Variants in CENPP observed in about 807,000 individuals in gnomAD.
The protein encoded by CENPP is centromere protein P.
CENPP carries 24 observed loss-of-function variants against 35.6 expected under a neutral mutation model. The ratio of observed to expected loss-of-function variants is 0.67; its 90% confidence interval spans 0.49 to 0.95. CENPP has a LOEUF of 0.95. CENPP is among the 40% of genes least tolerant of loss of function. CENPP has a pLI of 0.00. For missense variants in CENPP, 332 were observed against 345.3 expected, an observed-to-expected ratio of 0.96 and a Z score of 0.31; for synonymous variants, 120 against 125.5, an observed-to-expected ratio of 0.96 and a Z score of 0.29.
At chr9:92,326,807 T>C (rs962660028) in intron 1 of CENPP, among the ~76,000 whole-genome samples, 7 of 152,186 alleles carry the variant, frequency 4.6e-5, no homozygotes, top group Non-Finnish European at 7.4e-5. Flanking sequence ...ATCTCAAACA[T>C]AGAAGCCTCT....
chr9:92,354,173 A>G (rs757497532), intron 4 of CENPP, among the ~76,000 whole-genome samples: 5 of 152,232 alleles, frequency 3.3e-5, no homozygotes, highest in Non-Finnish European at 5.9e-5. Flanking sequence ...TGGCAGAAGC[A>G]TTGCATGCAG....
chr9:92,605,090 C>T (rs1027485251), intron 5 of CENPP, among the ~76,000 whole-genome samples: 11 of 152,148 alleles, frequency 7.2e-5, no homozygotes, highest in East Asian at 1.9e-4. Context: ...AAGCAATTCT[C>T]GTGCCTCAGC....
Position 92,617,584 on chromosome 9 carries a change from GC to G in CENPP, c.*4437del, listed in dbSNP as rs1851481509. On this transcript the variant is annotated 3_prime_UTR_variant, in exon 8 of 8. Transcript: ENST00000375587. ...TGTGCCACAAGTGTGCCCTCTAGCA[GC>G]CTTGGAGAATGAGGCTCAGGTGGCC... The G allele has an allele frequency of 6.5e-6, 1 of 153,982 alleles. No individual in the cohort carries two copies. The highest frequency in any genetic ancestry group is 2.4e-5 in the African/African-American group (1 of 41,478). 9.5% of individuals were successfully genotyped at this position (153,982 alleles called of 1,614,324 possible). A position where few individuals can be genotyped will look rare whatever the true frequency, so the allele number is the denominator to read the frequency against.
intron 5 of CENPP, among the ~76,000 whole-genome samples, chr9:92,594,220 C>T (rs1850725244): frequency 6.6e-6 from 1 of 152,130 alleles, no homozygotes; most frequent in South Asian, 2.1e-4. Context: ...TGCAGGGAGG[C>T]TCCTGGAGCT....
chr9:92,355,884 G>T (rs1045046005), intron 4 of CENPP, among the ~76,000 whole-genome samples: 5 of 152,130 alleles, frequency 3.3e-5, no homozygotes, highest in African/African-American at 1.2e-4. Context: ...ATTCTTGTAG[G>T]GGTAGAATAG....
At chr9:92,382,267 T>C (rs1256511925) in intron 5 of CENPP, among the ~76,000 whole-genome samples, 1 of 152,134 alleles carries the variant, frequency 6.6e-6, no homozygotes, top group African/African-American at 2.4e-5. Flanking sequence ...TAATTTTACA[T>C]ATTCATGGGG....
At position 92,539,424 on chromosome 9, in the gene CENPP, T is replaced by C. The variant is rs116502378; in HGVS notation, c.565-71890T>C. Among the ~76,000 whole-genome samples, 1,098 of 143,382 alleles carry C rather than the reference T, an allele frequency of 7.7e-3. 11 individuals are homozygous for C. The highest frequency in any genetic ancestry group is 0.024 in the African/African-American group (924 of 38,772). The allele number at this position is 143,382 out of a possible 152,430, so 94.1% of individuals were successfully genotyped here. On this transcript the variant is annotated intron_variant, in intron 5 of 7. Coordinates refer to ENST00000375587, the MANE Select transcript of CENPP (RefSeq NM_001012267.3). ...TTGATTAGGGTATTTAGCTGTTAAC[T>C]ACATTTTTATGGGTTTGAGTCCCAT...
chr9:92,498,506 ACTT>A (rs1846488825), intron 5 of CENPP, among the ~76,000 whole-genome samples: 1 of 152,096 alleles, frequency 6.6e-6, no homozygotes, highest in Non-Finnish European at 1.5e-5. Context: ...TCTTAATTCA[ACTT>A]CTTACACAGT....
intron 5 of CENPP, among the ~76,000 whole-genome samples, chr9:92,438,321 G>T (rs564147051): frequency 1.3e-5 from 2 of 152,118 alleles, no homozygotes; most frequent in Admixed American, 6.5e-5. Flanking sequence ...ATATCCAATT[G>T]TCTCAGCACC....
rs900326237 is a variant in CENPP at position 92,452,799 on chromosome 9, G to C, written c.564+72940G>C. On this transcript the variant is annotated intron_variant, in intron 5 of 7. Coordinates refer to ENST00000375587, the MANE Select transcript of CENPP (RefSeq NM_001012267.3). ...AGAGTCTGTTATTGGTCTATTCAGA[G>C]ATTCAACTTCTTCCTGGTTTAGTCT... 2.3e-4 allele frequency among the ~76,000 whole-genome samples: 35 copies of C among 152,244 alleles called. 1 individual carries two copies. Among genetic ancestry groups the C allele is most frequent in the Middle Eastern group, 3.4e-3 (1 of 294 alleles).
chr9:92,591,617 T>C (rs1850666125), intron 5 of CENPP, among the ~76,000 whole-genome samples: 1 of 151,332 alleles, frequency 6.6e-6, no homozygotes, highest in Admixed American at 6.6e-5. Flanking sequence ...GGAAATAAAA[T>C]AGATGATATG....
At chr9:92,578,866 G>C (rs1255334306) in intron 5 of CENPP, among the ~76,000 whole-genome samples, 1 of 152,174 alleles carries the variant, frequency 6.6e-6, no homozygotes. Context: ...TAGACATGAA[G>C]TTCTTGCCCA....
intron 5 of CENPP, among the ~76,000 whole-genome samples, chr9:92,460,104 A>G (rs956670104): frequency 7.6e-6 from 1 of 132,094 alleles, no homozygotes; most frequent in African/African-American, 2.9e-5. Flanking sequence ...TCTGTTGCCC[A>G]TGCCCAGGCT....
chr9:92,466,924 CTATTTACTCTACAAAACTATG>C (rs1406565120), intron 5 of CENPP, among the ~76,000 whole-genome samples: 11 of 152,144 alleles, frequency 7.2e-5, no homozygotes, highest in Admixed American at 5.9e-4. Flanking sequence ...ATCTTAAAAT[CTATTTACTCTACAAAACTATG>C]TTTAGTGCAC....
chr9:92,607,551 A>C (rs142450560), intron 5 of CENPP, among the ~76,000 whole-genome samples: 1 of 152,214 alleles, frequency 6.6e-6, no homozygotes, highest in Admixed American at 6.5e-5. Flanking sequence ...CTTTAAAGGA[A>C]TTATGTCTCA....
chr9:92,608,905 C>T (rs1851156475), intron 5 of CENPP, among the ~76,000 whole-genome samples: 1 of 152,226 alleles, frequency 6.6e-6, no homozygotes, highest in Non-Finnish European at 1.5e-5. Flanking sequence ...AGAGCTGCTC[C>T]ATCTGCTCCC....
At chr9:92,451,342 A>C (rs367940634) in intron 5 of CENPP, among the ~76,000 whole-genome samples, 1 of 147,274 alleles carries the variant, frequency 6.8e-6, no homozygotes, top group African/African-American at 2.6e-5. Flanking sequence ...AGCACCATTT[A>C]TTAAATAGGG....
At chr9:92,490,335 TG>T (rs1273872173) in intron 5 of CENPP, among the ~76,000 whole-genome samples, 1 of 152,224 alleles carries the variant, frequency 6.6e-6, no homozygotes, top group Non-Finnish European at 1.5e-5. Context: ...TCACAGACTT[TG>T]GGGGCTTAAG....
At chr9:92,583,207 G>C (rs912824428) in intron 5 of CENPP, among the ~76,000 whole-genome samples, 5 of 152,182 alleles carry the variant, frequency 3.3e-5, no homozygotes, top group Admixed American at 1.3e-4. Context: ...GCATGGCTGG[G>C]TGGTGGTGAT....
Sources: allele counts gnomAD v4.1 joint callset (sites outside exome capture counted in the v4.1 genomes callset), GRCh38; gene constraint gnomAD v4.1.1; transcripts MANE v1.5; gene names NCBI Gene and HGNC (gene_info 2026-07-23, HGNC 2026-07-21).